Variants in SPDYE3 observed in about 807,000 individuals in gnomAD.
SPDYE3 encodes the protein speedy protein E3.
In SPDYE3, 15 loss-of-function variants were observed where a neutral mutation model predicts 55.0. The observed-to-expected ratio is 0.27, with a 90% CI of 0.18 to 0.42. The LOEUF is 0.42. Among genes scored for constraint, SPDYE3 ranks in the 10% least tolerant of loss-of-function variants. The pLI is 1.00. For synonymous variants in SPDYE3, 89 were observed against 229.9 expected, an observed-to-expected ratio of 0.39 and a Z score of 5.55; for missense variants, 236 against 576.7, an observed-to-expected ratio of 0.41 and a Z score of 6.05.
chr7:100,315,802 A>C lies in SPDYE3; in HGVS notation c.1219A>C (p.Arg407=), dbSNP rs761649339. The change falls in exon 7 of 11, where the codon AGA becomes CGA. Residue 407 remains arginine, a synonymous_variant. Transcript: ENST00000332397. ...NRLLEDPVIK[R]FLAWDKDLRV... ...AATCACAGAGGATCCTGTCATTAAA[A>C]GATTCCTGGCCTGGGACAAAGATCT... The C allele has an allele frequency of 6.3e-7, 1 of 1,599,588 alleles. No individual in the cohort carries two copies. Among genetic ancestry groups the C allele is most frequent in the Non-Finnish European group, 8.5e-7 (1 of 1,179,734 alleles).
rs534315224 is a variant in SPDYE3 at position 100,309,534 on chromosome 7, T to G, written c.325+342T>G. 3.8e-4 allele frequency among the ~76,000 whole-genome samples: 53 copies of G among 140,358 alleles called. 5 individuals carry two copies. Among genetic ancestry groups the G allele is most frequent in the Admixed American group, 3.5e-3 (50 of 14,172 alleles). 92.1% of individuals were successfully genotyped at this position (140,358 alleles called of 152,430 possible). On this transcript the variant is annotated intron_variant, in intron 2 of 10. Transcript: ENST00000332397. The stretch of plus-strand genomic sequence containing the variant: ...ATGACTGCACCACTGCACTCCAGCC[T>G]GAGTGACAGAGCAAAACTCTGCGTC...
At position 100,321,953 on chromosome 7, in the gene SPDYE3, T is replaced by C. The variant is rs1385825291; in HGVS notation, c.*1108T>C. On this transcript the variant is annotated 3_prime_UTR_variant, in exon 11 of 11. Transcript: ENST00000332397. ...TATTTTTGAATAGATGCTGTTTCTA[T>C]AAAGCTGTGTGATGGGTATTATAAC... 4 of 150,774 alleles carry C rather than the reference T, an allele frequency of 2.7e-5. No homozygotes were observed. The highest frequency in any genetic ancestry group is 7.3e-5 in the African/African-American group (3 of 41,278). The allele number at this position is 150,774 out of a possible 1,614,324, so 9.3% of individuals were successfully genotyped here.
chr7:100,315,597 AG>A (rs1806084053), intron 6 of SPDYE3, among the ~76,000 whole-genome samples, 187 bp from the exon 7 acceptor site: 1 of 152,042 alleles, frequency 6.6e-6, no homozygotes. Flanking sequence ...GCCTCTTCTC[AG>A]GGGAGTCTCA....
rs190175040 is a variant in SPDYE3, at chr7:100,308,071, T to C, written c.106+80T>C. ...GGGGCCAGGTGCGGTAGCTCACCCC[T>C]GTAACACCAACACTTTGGGAGGCCG... On this transcript the variant is annotated intron_variant, in intron 1 of 10. Transcript: ENST00000332397. 44 of 1,452,004 alleles carry C rather than the reference T, an allele frequency of 3.0e-5. No individual in the cohort carries two copies. In the African/African-American group the frequency reaches 5.6e-4, roughly 19 times the overall value. 89.9% of individuals were successfully genotyped at this position (1,452,004 alleles called of 1,614,324 possible). A position where few individuals can be genotyped will look rare whatever the true frequency, so the allele number is the denominator to read the frequency against.
rs530296597 is a variant in SPDYE3 at position 100,307,868 on chromosome 7, C to G, written c.-18C>G. On this transcript the variant is annotated 5_prime_UTR_variant, in exon 1 of 11. Transcript: ENST00000332397. ...AGAGACTAGCTTCGGTGAGATTGGA[C>G]AGATTTTGGGAAAGATCATGACGAG... 7 of 1,568,696 alleles carry G rather than the reference C, an allele frequency of 4.5e-6. No homozygotes were observed. In the South Asian group the frequency reaches 8.0e-5, roughly 18 times the overall value.
chr7:100,308,534 C>A (rs1206068478), intron 1 of SPDYE3, among the ~76,000 whole-genome samples: 1 of 151,510 alleles, frequency 6.6e-6, no homozygotes, highest in African/African-American at 2.4e-5. Flanking sequence ...CATGGCGAAA[C>A]CCCGTCTCTA....
Position 100,319,726 on chromosome 7 carries a change from T to C in SPDYE3, c.1508T>C (p.Ile503Thr). ...NPRARKNCSQ[I>T]ALFQKRRFQF... ...AGGGCCAGGAAGAACTGCTCTCAGATAGCCTTGTTCCAGAAGCGTCGGTTC... is the reference window on the plus strand; with the variant it reads ...AGGGCCAGGAAGAACTGCTCTCAGACAGCCTTGTTCCAGAAGCGTCGGTTC... The change falls in exon 9 of 11, where the codon ATA (isoleucine) becomes ACA (threonine). Residue 503 changes from isoleucine (I) to threonine (T), a missense_variant. Physicochemically the swap from Ile to Thr is moderately conservative, Grantham distance 89. Transcript: ENST00000332397. The C allele has an allele frequency of 1.2e-6, 2 of 1,614,226 alleles. No homozygotes were observed. The highest frequency in any genetic ancestry group is 8.5e-7 in the Non-Finnish European group (1 of 1,180,022).
intron 3 of SPDYE3, among the ~76,000 whole-genome samples, chr7:100,311,000 G>A (rs1166523036): frequency 4.0e-5 from 1 of 24,904 alleles, no homozygotes; most frequent in Non-Finnish European, 8.0e-5. Context: ...CCAGCTACTC[G>A]GGAGGCTGAG....
intron 10 of SPDYE3, 53 bp from the exon 11 acceptor site, chr7:100,320,838 C>T (rs1402123816): frequency 8.7e-7 from 1 of 1,154,278 alleles, no homozygotes; most frequent in Non-Finnish European, 1.2e-6. Flanking sequence ...GAATAACCTT[C>T]CTGTCTAGAG....
At chr7:100,312,390 G>A (rs1321451019) in intron 4 of SPDYE3, among the ~76,000 whole-genome samples, 5 of 147,280 alleles carry the variant, frequency 3.4e-5, no homozygotes, top group South Asian at 2.1e-4. Context: ...CCAGCTACTC[G>A]GGAGGCTGAG....
chr7:100,308,086 T>A (rs1805867251), intron 1 of SPDYE3, 95 bp downstream of exon 1: 2 of 1,407,700 alleles, frequency 1.4e-6, no homozygotes, highest in Non-Finnish European at 1.9e-6. Context: ...CACCAACACT[T>A]TGGGAGGCCG....
chr7:100,319,699 C>G lies in SPDYE3; in HGVS notation c.1481C>G (p.Pro494Arg), dbSNP rs779064773. 55 of 1,614,084 alleles carry G rather than the reference C, an allele frequency of 3.4e-5. No homozygotes were observed. The highest frequency in any genetic ancestry group is 4.5e-5 in the Non-Finnish European group (53 of 1,180,050). ...HWFQLCRPMN[P>R]RARKNCSQIA... is the part of the protein sequence containing the mutation. Reference sequence around the variant, plus strand: ...TTCCAGTTATGCCGTCCCATGAACCCGAGGGCCAGGAAGAACTGCTCTCAG... The same window carrying G: ...TTCCAGTTATGCCGTCCCATGAACCGGAGGGCCAGGAAGAACTGCTCTCAG... The change falls in exon 9 of 11, where the codon CCG becomes CGG. Residue 494 changes from proline to arginine, a missense_variant. By Grantham distance (103) the Pro-to-Arg change is moderately radical (BLOSUM62 -2). Coordinates refer to ENST00000332397, the MANE Select transcript of SPDYE3 (RefSeq NM_001004351.5).
At chr7:100,318,906 A>T (rs1789508976) in intron 8 of SPDYE3, among the ~76,000 whole-genome samples, 2 of 149,522 alleles carry the variant, frequency 1.3e-5, no homozygotes, top group East Asian at 3.9e-4. Context: ...TTATTTATTT[A>T]TTTATTTATT....
intron 6 of SPDYE3, 40 bp from the exon 7 acceptor site, chr7:100,315,745 T>C (rs1806088442): frequency 1.9e-6 from 3 of 1,597,900 alleles, no homozygotes; most frequent in African/African-American, 2.7e-5. Context: ...ATGGAAACCC[T>C]GTCCTGCTTC....
rs374270480 is a variant in SPDYE3, at chr7:100,319,593, G to A, written c.1375G>A (p.Asp459Asn). The A allele has an allele frequency of 5.0e-6, 8 of 1,614,198 alleles. No individual in the cohort carries two copies. Among genetic ancestry groups the A allele is most frequent in the Admixed American group, 1.7e-5 (1 of 60,016 alleles). ...TCTGGCCAATGACATGGAGGAGGAC[G>A]ACGAGGCCCCCAAACAAAAGATCTT... Reference protein sequence around the residue: ...LYLANDMEEDDEAPKQKIFYF... With the variant: ...LYLANDMEEDNEAPKQKIFYF... The change falls in exon 9 of 11, where the codon GAC becomes AAC. Residue 459 changes from aspartate (D) to asparagine (N), a missense_variant. Transcript: ENST00000332397.
chr7:100,308,330 CAAAAA>C (rs1302549830), intron 1 of SPDYE3, among the ~76,000 whole-genome samples: 1 of 46,754 alleles, frequency 2.1e-5, no homozygotes, highest in Admixed American at 2.6e-4. Context: ...GACGCTGTCT[CAAAAA>C]AAAAAAAAAA....
In SPDYE3 at chr7:100,319,629, T is replaced by A; in HGVS notation, c.1411T>A (p.Tyr471Asn). Reference sequence around the variant, plus strand: ...CAAACAAAAGATCTTCTACTTCCTGTACGGGAAGACCCACTCTCACATACC... The same window carrying A: ...CAAACAAAAGATCTTCTACTTCCTGAACGGGAAGACCCACTCTCACATACC... The part of the protein sequence containing the change: ...APKQKIFYFL[Y>N]GKTHSHIPLR... The change falls in exon 9 of 11, where the codon TAC (tyrosine) becomes AAC (asparagine). Residue 471 changes from tyrosine (Y) to asparagine (N), a missense_variant. Tyr to Asn is a moderately radical substitution (Grantham distance 143). Transcript: ENST00000332397. 1 of 1,614,246 alleles carries A rather than the reference T, an allele frequency of 6.2e-7. No homozygotes were observed. Among genetic ancestry groups the A allele is most frequent in the Non-Finnish European group, 8.5e-7 (1 of 1,180,050 alleles).
At chr7:100,316,994 C>T (rs1005444945) in intron 7 of SPDYE3, 76 bp from the exon 8 acceptor site, 3 of 1,596,684 alleles carry the variant, frequency 1.9e-6, no homozygotes, top group Admixed American at 1.7e-5. Context: ...TCCCCAGACC[C>T]CCATTCCACT....
chr7:100,320,201 C>T (rs1030590269), intron 10 of SPDYE3, 166 bp downstream of exon 10: 13 of 1,379,206 alleles, frequency 9.4e-6, no homozygotes, highest in Non-Finnish European at 1.3e-5. Flanking sequence ...ATCTCTACTC[C>T]CAACTACTCA....
Sources: allele counts gnomAD v4.1 joint callset (sites outside exome capture counted in the v4.1 genomes callset), GRCh38; gene constraint gnomAD v4.1.1; transcripts MANE v1.5; gene names NCBI Gene and HGNC (gene_info 2026-07-23, HGNC 2026-07-21).